Variants in TBC1D5 observed in about 807,000 individuals in gnomAD.
TBC1D5 encodes the protein TBC1 domain family member 5, also known as TBC1 domain family, member 5.
TBC1D5 carries 75 observed loss-of-function variants against 100.3 expected under a neutral mutation model. That is an observed-to-expected ratio of 0.75 (90% CI 0.62 to 0.91). TBC1D5 has a LOEUF of 0.91. Among genes scored for constraint, TBC1D5 ranks in the 40% least tolerant of loss-of-function variants. The pLI is 0.00. For missense variants in TBC1D5, 910 were observed against 942.4 expected (o/e 0.97, Z 0.45); for synonymous variants, 323 against 325.6 (o/e 0.99, Z 0.09).
intron 3 of TBC1D5, among the ~76,000 whole-genome samples, chr3:17,483,496 C>T (rs544248297): frequency 3.9e-5 from 6 of 152,168 alleles, no homozygotes; most frequent in Non-Finnish European, 5.9e-5. Context: ...AGTGGTCAAT[C>T]CATAACCAAA....
intron 3 of TBC1D5, among the ~76,000 whole-genome samples, chr3:17,485,747 G>A (rs1241079381): frequency 6.6e-6 from 1 of 151,740 alleles, no homozygotes; most frequent in Non-Finnish European, 1.5e-5. Context: ...ATCATTGTTG[G>A]ACATTTGGGT....
intron 15 of TBC1D5, among the ~76,000 whole-genome samples, chr3:17,279,911 T>G (rs2080395633): frequency 6.6e-6 from 1 of 152,224 alleles, no homozygotes. Context: ...CCTATTTCAT[T>G]ACATCACCAG....
At chr3:17,626,087 T>A (rs1159204132) in intron 1 of TBC1D5, among the ~76,000 whole-genome samples, 1 of 152,144 alleles carries the variant, frequency 6.6e-6, no homozygotes, top group African/African-American at 2.4e-5. Flanking sequence ...GTTGGACCAT[T>A]TGAAGACCTA....
In TBC1D5 at chr3:17,529,739, C is replaced by T. The variant is rs535641860; in HGVS notation, c.-35-21134G>A. Among the ~76,000 whole-genome samples the T allele has an allele frequency of 1.4e-4, 22 of 151,760 alleles. 1 individual carries two copies. The South Asian group carries it at 4.4e-3, about 30-fold the overall frequency. ...TCGGCTCACTGCAACCTCTGTCTGC[C>T]GGGCTCAAGCAATCCTCCTGCCTCA... is the stretch of plus-strand genomic sequence containing the variant. On this transcript the variant is annotated intron_variant, in intron 2 of 21. Coordinates refer to ENST00000253692, the Ensembl canonical transcript of TBC1D5.
intron 17 of TBC1D5, among the ~76,000 whole-genome samples, chr3:17,227,930 A>G (rs1197674099): frequency 1.3e-5 from 2 of 150,782 alleles, no homozygotes; most frequent in African/African-American, 4.9e-5. Context: ...TTGATCATCC[A>G]GTCTTGGGGA....
In TBC1D5 at chr3:17,578,955, A is replaced by T. The variant is rs781280654; in HGVS notation, c.-36+44894T>A. Reference sequence around the variant, plus strand: ...GTACATAAGAGCAGAGGTTTCAAATATATTCCAAATAATTTGGGTTTTCAA... The same window carrying T: ...GTACATAAGAGCAGAGGTTTCAAATTTATTCCAAATAATTTGGGTTTTCAA... On this transcript the variant is annotated intron_variant, in intron 2 of 21. Transcript: ENST00000253692. Among the ~76,000 whole-genome samples, 53 of 152,044 alleles carry T rather than the reference A, an allele frequency of 3.5e-4. 1 individual carries two copies. The highest frequency in any genetic ancestry group is 2.1e-3 in the Admixed American group (32 of 15,260).
intron 2 of TBC1D5, among the ~76,000 whole-genome samples, chr3:17,517,371 G>T (rs1412915427): frequency 6.6e-6 from 1 of 152,192 alleles, no homozygotes; most frequent in East Asian, 1.9e-4. Flanking sequence ...ACTGTCATAA[G>T]TCCTTGTGTT....
chr3:17,187,707 A>C (rs997608592), intron 18 of TBC1D5, among the ~76,000 whole-genome samples: 2 of 152,334 alleles, frequency 1.3e-5, no homozygotes, highest in African/African-American at 4.8e-5. Context: ...GGTCCTCCCC[A>C]ATGAGCGGAG....
At chr3:17,394,742 A>T (rs928657064) in intron 8 of TBC1D5, among the ~76,000 whole-genome samples, 2 of 152,136 alleles carry the variant, frequency 1.3e-5, no homozygotes, top group Non-Finnish European at 2.9e-5. Flanking sequence ...CTGAATGGAC[A>T]AATATACCTA....
At chr3:17,234,775 A>G (rs185947048) in intron 17 of TBC1D5, among the ~76,000 whole-genome samples, 17 of 152,248 alleles carry the variant, frequency 1.1e-4, no homozygotes, top group East Asian at 1.9e-4. Flanking sequence ...AAAAAAATCA[A>G]CTTTTGAGTT....
chr3:17,574,136 T>C (rs1396746340), intron 2 of TBC1D5, among the ~76,000 whole-genome samples: 1 of 152,020 alleles, frequency 6.6e-6, no homozygotes, highest in Non-Finnish European at 1.5e-5. Flanking sequence ...TCCCAGAACT[T>C]TGCTGGGAAT....
At chr3:17,461,620 CTG>C (rs2095212229) in intron 3 of TBC1D5, among the ~76,000 whole-genome samples, 1 of 151,908 alleles carries the variant, frequency 6.6e-6, no homozygotes, top group African/African-American at 2.4e-5. Flanking sequence ...GTGTATAAAT[CTG>C]TCTCTTTTTC....
chr3:17,186,051 G>T (rs1476587717), intron 18 of TBC1D5, among the ~76,000 whole-genome samples: 4 of 139,806 alleles, frequency 2.9e-5, no homozygotes, highest in African/African-American at 8.1e-5. Context: ...TTTTTTTTAA[G>T]AGAAAAAGAA....
At chr3:17,608,708 T>C (rs2061491333) in intron 2 of TBC1D5, among the ~76,000 whole-genome samples, 1 of 152,222 alleles carries the variant, frequency 6.6e-6, no homozygotes, top group South Asian at 2.1e-4. Flanking sequence ...CATCGCTTTC[T>C]ACTCCTATAC....
At chr3:17,464,592 T>C (rs921049510) in intron 3 of TBC1D5, among the ~76,000 whole-genome samples, 2 of 152,120 alleles carry the variant, frequency 1.3e-5, no homozygotes, top group African/African-American at 4.8e-5. Flanking sequence ...TAGAGCAGTC[T>C]CTAACCTTAT....
intron 2 of TBC1D5, among the ~76,000 whole-genome samples, chr3:17,543,342 A>T (rs138432364): frequency 6.6e-6 from 1 of 152,290 alleles, no homozygotes; most frequent in African/African-American, 2.4e-5. Context: ...ACAATATTAG[A>T]AAGGAAAAGG....
intron 19 of TBC1D5, among the ~76,000 whole-genome samples, chr3:17,180,000 ATG>A (rs2068258518): frequency 6.6e-6 from 1 of 152,234 alleles, no homozygotes; most frequent in Admixed American, 6.5e-5. Flanking sequence ...ACGTGCAATT[ATG>A]TGTGAAGTAC....
chr3:17,630,457 C>A (rs2063394026), intron 1 of TBC1D5, among the ~76,000 whole-genome samples: 2 of 152,078 alleles, frequency 1.3e-5, no homozygotes, highest in South Asian at 4.2e-4. Context: ...TGATCAGTGG[C>A]CTTTGATGTT....
chr3:17,341,816 A>AT (rs777519460), intron 13 of TBC1D5, among the ~76,000 whole-genome samples: 3 of 152,142 alleles, frequency 2.0e-5, no homozygotes, highest in Non-Finnish European at 4.4e-5. Context: ...CTCAAACTTA[A>AT]TTCTTCTGAC....
Sources: allele counts gnomAD v4.1 joint callset (sites outside exome capture counted in the v4.1 genomes callset), GRCh38; gene constraint gnomAD v4.1.1; transcripts MANE v1.5; gene names NCBI Gene and HGNC (gene_info 2026-07-23, HGNC 2026-07-21).